URB2: variants seen among roughly 807,000 people sequenced by gnomAD.
URB2 encodes the protein unhealthy ribosome biogenesis protein 2 homolog.
URB2 carries 86 observed loss-of-function variants against 120.9 expected under a neutral mutation model. The ratio of observed to expected loss-of-function variants is 0.71; its 90% CI spans 0.60 to 0.85. The LOEUF (loss-of-function observed/expected upper bound fraction) is 0.85. Among genes scored for constraint, URB2 ranks in the 40% least tolerant of loss-of-function variants. The probability of loss-of-function intolerance (pLI) is 0.00; values close to 1 mark genes in which losing one functional copy is unlikely to be tolerated. For synonymous variants in URB2, 755 were observed against 758.4 expected, an observed-to-expected ratio of 1.00 and a Z score of 0.07; for missense variants, 1,765 against 1,836.5, an observed-to-expected ratio of 0.96 and a Z score of 0.71.
Position 229,635,225 on chromosome 1 carries a change from G to A in URB2, c.612G>A (p.Pro204=), listed in dbSNP as rs3811472. The part of the protein sequence containing the change: ...FGDVTAHLLQ[P]CLVLRHLLSG... The stretch of plus-strand genomic sequence containing the variant: ...ATGTGACTGCTCACCTGCTCCAGCC[G>A]TGCCTGGTCCTGAGGCACTTACTCT... The change falls in exon 4 of 10, where the codon CCG becomes CCA. Residue 204 remains proline (P), a synonymous_variant. Transcript: ENST00000258243. 6.3e-4 allele frequency: 1,024 copies of A among 1,614,220 alleles called. 13 individuals are homozygous for A. In the East Asian group the frequency reaches 0.015, roughly 24 times the overall value.
intron 8 of URB2, among the ~76,000 whole-genome samples, chr1:229,652,769 C>T (rs1480712067): frequency 1.3e-5 from 2 of 152,208 alleles, no homozygotes; most frequent in Non-Finnish European, 2.9e-5. Context: ...GACGGAAGGC[C>T]GGGGCCTTGC....
intron 9 of URB2, among the ~76,000 whole-genome samples, chr1:229,657,111 C>G (rs1440540508): frequency 1.3e-5 from 2 of 152,182 alleles, no homozygotes; most frequent in Non-Finnish European, 2.9e-5. Flanking sequence ...CGTCTTAAGT[C>G]AGGAACCATC....
At position 229,635,492 on chromosome 1, in the gene URB2, A is replaced by G; in HGVS notation, c.879A>G (p.Ala293=). Residue 293 remains alanine, a synonymous_variant, in exon 4 of 10, where the codon GCA becomes GCG. Coordinates refer to ENST00000258243, the MANE Select transcript of URB2 (RefSeq NM_014777.4). ...TGGTTGATGCTGGCTACTGTGCAGCATCCCTTCATACCTCTGTTGTGGCCA... is the reference window on the plus strand; with the variant it reads ...TGGTTGATGCTGGCTACTGTGCAGCGTCCCTTCATACCTCTGTTGTGGCCA... ...NRLVDAGYCA[A]SLHTSVVANS... The G allele has an allele frequency of 3.7e-6, 6 of 1,613,648 alleles. No individual in the cohort carries two copies. Among genetic ancestry groups the G allele is most frequent in the Non-Finnish European group, 4.2e-6 (5 of 1,179,754 alleles).
intron 7 of URB2, among the ~76,000 whole-genome samples, chr1:229,649,086 T>C (rs1020505392): frequency 6.6e-6 from 1 of 152,222 alleles, no homozygotes; most frequent in African/African-American, 2.4e-5. Context: ...ATAGGACCAC[T>C]GTTGTTTATA....
intron 3 of URB2, among the ~76,000 whole-genome samples, chr1:229,632,876 G>A (rs1367098510): frequency 1.3e-5 from 2 of 150,824 alleles, no homozygotes; most frequent in African/African-American, 2.4e-5. Context: ...TGGCTTGGCC[G>A]GCAACCCGGG....
chr1:229,653,936 G>GTTTTTTTTTTTTTTTTTTTTT (rs760894683), intron 8 of URB2, among the ~76,000 whole-genome samples: 1 of 60,554 alleles, frequency 1.7e-5, no homozygotes, highest in Admixed American at 1.9e-4. Context: ...CCATCTTGGT[G>GTTTTTTTTTTTTTTTTTTTTT]TTTTTTTTTT....
rs993431769 is a variant in URB2, at chr1:229,627,902, A to G, written c.126+143A>G. Reference sequence around the variant, plus strand: ...TTTGTTGGAAGTTAAATGTAATGTCAATGAAAAAAGTAATGAGTCAGGTAC... The same window carrying G: ...TTTGTTGGAAGTTAAATGTAATGTCGATGAAAAAAGTAATGAGTCAGGTAC... On this transcript the variant is annotated intron_variant, in intron 2 of 9. Transcript: ENST00000258243. 5.4e-6 allele frequency: 6 copies of G among 1,105,956 alleles called. No individual in the cohort carries two copies. The African/African-American group carries it at 9.7e-5, about 18-fold the overall frequency. 68.5% of individuals were successfully genotyped at this position (1,105,956 alleles called of 1,614,324 possible).
rs193070894 is a variant in URB2, at chr1:229,659,378, C to T, written c.*81C>T. The stretch of plus-strand genomic sequence containing the variant: ...TCTGAAAGAGCTGGAGAATGAAAGA[C>T]TTAAGATGTTCTAATTCGTAGTATT... On this transcript the variant is annotated 3_prime_UTR_variant, in exon 10 of 10. Coordinates refer to ENST00000258243, the MANE Select transcript of URB2 (RefSeq NM_014777.4). The T allele has an allele frequency of 6.8e-4, 979 of 1,438,258 alleles. 15 individuals carry two copies. The African/African-American group carries it at 0.013, about 19-fold the overall frequency. 89.1% of individuals were successfully genotyped at this position (1,438,258 alleles called of 1,614,324 possible). A position where few individuals can be genotyped will look rare whatever the true frequency, so the allele number is the denominator to read the frequency against.
At chr1:229,643,814 T>A in intron 5 of URB2, 121 bp downstream of exon 5, 1 of 1,322,982 alleles carries the variant, frequency 7.6e-7, no homozygotes, top group Non-Finnish European at 1.0e-6. Flanking sequence ...GTAGAGACTC[T>A]AGGCAAAGGG....
intron 5 of URB2, 64 bp from the exon 6 acceptor site, chr1:229,645,795 C>A: frequency 7.2e-7 from 1 of 1,382,438 alleles, no homozygotes; most frequent in South Asian, 1.2e-5. Flanking sequence ...TCTTCTTCCC[C>A]AGGCGGAGTT....
chr1:229,628,186 A>G (rs1325675361), intron 2 of URB2, among the ~76,000 whole-genome samples: 2 of 144,612 alleles, frequency 1.4e-5, no homozygotes, highest in African/African-American at 2.5e-5. Flanking sequence ...TATATAATAT[A>G]TATAATATAT....
rs1452501704 is a variant in URB2, at chr1:229,643,594, C to T, written c.3696C>T (p.Thr1232=). The change falls in exon 5 of 10, where the codon ACC becomes ACT. Residue 1232 remains threonine (T), a synonymous_variant. Transcript: ENST00000258243. ...DIEPHLGALF[T]QMLEVGTTED... The stretch of plus-strand genomic sequence containing the variant: ...AGCCTCATTTGGGAGCCTTGTTCAC[C>T]CAAATGTTAGAGGTTGGGACGACAG... The T allele has an allele frequency of 6.2e-7, 1 of 1,614,192 alleles. No individual in the cohort carries two copies. The highest frequency in any genetic ancestry group is 1.3e-5 in the African/African-American group (1 of 75,048).
intron 4 of URB2, among the ~76,000 whole-genome samples, chr1:229,638,691 T>C (rs1236168323): frequency 6.6e-6 from 1 of 151,568 alleles, no homozygotes; most frequent in African/African-American, 2.4e-5. Flanking sequence ...AAGACCTCCC[T>C]TCTAGGCCCA....
chr1:229,655,538 A>G (rs978953152), intron 9 of URB2, among the ~76,000 whole-genome samples: 4 of 152,188 alleles, frequency 2.6e-5, no homozygotes, highest in Non-Finnish European at 4.4e-5. Flanking sequence ...CCAGCCATTC[A>G]ACAGTTATCT....
intron 7 of URB2, among the ~76,000 whole-genome samples, chr1:229,650,023 C>G (rs929393685): frequency 6.6e-6 from 1 of 152,210 alleles, no homozygotes; most frequent in Non-Finnish European, 1.5e-5. Flanking sequence ...GCAAAAACGA[C>G]TTCTTTCTGA....
intron 7 of URB2, among the ~76,000 whole-genome samples, chr1:229,650,686 C>CTCCCAAAGTGCTGGGATTATAGG (rs1666247370): frequency 2.0e-5 from 3 of 152,154 alleles, no homozygotes; most frequent in Non-Finnish European, 4.4e-5. Flanking sequence ...CTGCCTCGGC[C>CTCCCAAAGTGCTGGGATTATAGG]TCCCAAAGTG....
intron 4 of URB2, 131 bp from the exon 5 acceptor site, chr1:229,643,402 C>T (rs1666059644): frequency 9.9e-7 from 1 of 1,011,646 alleles, no homozygotes; most frequent in African/African-American, 1.6e-5. Context: ...TCCACCAGTG[C>T]TTATATCACC....
chr1:229,639,785 T>C (rs575294294), intron 4 of URB2, among the ~76,000 whole-genome samples: 1 of 152,254 alleles, frequency 6.6e-6, no homozygotes, highest in Admixed American at 6.5e-5. Flanking sequence ...CATCAAAGTG[T>C]TTTAGTCTGA....
intron 2 of URB2, among the ~76,000 whole-genome samples, chr1:229,629,404 G>A (rs12130523): frequency 0.53 from 81,166 of 151,960 alleles, 21,901 homozygotes; most frequent in East Asian, 0.77. Context: ...TTTAGAACTT[G>A]GTACATGCAT....
Sources: allele counts gnomAD v4.1 joint callset (sites outside exome capture counted in the v4.1 genomes callset), GRCh38; gene constraint gnomAD v4.1.1; transcripts MANE v1.5; gene names NCBI Gene and HGNC (gene_info 2026-07-23, HGNC 2026-07-21).